Variants in DLEU7 observed in about 807,000 individuals in gnomAD.
DLEU7 encodes leukemia-associated protein 7.
DLEU7 carries 17 observed loss-of-function variants against 16.0 expected under a neutral mutation model. The observed-to-expected ratio is 1.06, with a 90% CI of 0.73 to 1.59. DLEU7 has a LOEUF of 1.59. DLEU7 is among the 40% of genes most tolerant of loss of function. The pLI, the probability that DLEU7 is intolerant of heterozygous loss-of-function variation, is 0.00. For synonymous variants in DLEU7, 113 were observed against 139.8 expected (o/e 0.81, Z 1.35); for missense variants, 308 against 314.9 (o/e 0.98, Z 0.17).
At chr13:50,770,430 C>T (rs9596349) in intron 1 of DLEU7, among the ~76,000 whole-genome samples, 34,538 of 151,918 alleles carry the variant, frequency 0.23, 4,115 homozygotes, top group East Asian at 0.29. Context: ...GCTCTTATTA[C>T]TTTGAGATAT....
chr13:50,820,714 G>A (rs1358088535), downstream of DLEU7, among the ~76,000 whole-genome samples: 1 of 152,106 alleles, frequency 6.6e-6, no homozygotes, highest in African/African-American at 2.4e-5. Flanking sequence ...GAATTATCTA[G>A]TGGATTTTCC....
At chr13:50,790,028 G>A (rs1292009943) in intron 1 of DLEU7, among the ~76,000 whole-genome samples, 12 of 151,410 alleles carry the variant, frequency 7.9e-5, no homozygotes, top group Non-Finnish European at 1.2e-4. Flanking sequence ...CGCCTCCCAG[G>A]TTCAAGTGAT....
intron 1 of DLEU7, among the ~76,000 whole-genome samples, chr13:50,775,363 G>GGATGAAACCTAT (rs1303937718): frequency 5.9e-5 from 9 of 152,136 alleles, no homozygotes; most frequent in African/African-American, 2.2e-4. Flanking sequence ...CCCTAGTCCT[G>GGATGAAACCTAT]AGCCTTAAGG....
chr13:50,728,843 T>C (rs1312842104), intron 1 of DLEU7, among the ~76,000 whole-genome samples: 1 of 152,280 alleles, frequency 6.6e-6, no homozygotes, highest in Non-Finnish European at 1.5e-5. Flanking sequence ...TGTCATCATG[T>C]CACCTGTTCA....
exon 2 of DLEU7, chr13:50,712,969 T>C (rs1290152174): frequency 2.1e-6 from 1 of 485,574 alleles, no homozygotes; most frequent in African/African-American, 1.9e-5. Context: ...ATGACAGGAT[T>C]ACTTGGAGGT....
chr13:50,749,511 A>G (rs1412388612), intron 1 of DLEU7, among the ~76,000 whole-genome samples: 2 of 152,206 alleles, frequency 1.3e-5, no homozygotes, highest in Non-Finnish European at 2.9e-5. Flanking sequence ...AGGCATCTCC[A>G]CACTGTTTTC....
intron 1 of DLEU7, among the ~76,000 whole-genome samples, chr13:50,785,644 A>G (rs566087580): frequency 5.3e-5 from 8 of 152,334 alleles, no homozygotes; most frequent in Admixed American, 6.5e-5. Context: ...TGAACCACCT[A>G]ACTGGGAAAC....
chr13:50,773,773 A>G (rs982152370), intron 1 of DLEU7, among the ~76,000 whole-genome samples: 2 of 152,188 alleles, frequency 1.3e-5, no homozygotes, highest in African/African-American at 2.4e-5. Context: ...TCAGAGCTCA[A>G]ACTCCGTGCT....
chr13:50,717,629 G>A (rs1284409824), intron 1 of DLEU7, among the ~76,000 whole-genome samples: 1 of 151,308 alleles, frequency 6.6e-6, no homozygotes, highest in Non-Finnish European at 1.5e-5. Flanking sequence ...ATGGTAAGGA[G>A]CAGGGAGTCC....
At chr13:50,840,926 G>A (rs1258189068) in intron 1 of DLEU7, among the ~76,000 whole-genome samples, 1 of 152,132 alleles carries the variant, frequency 6.6e-6, no homozygotes, top group African/African-American at 2.4e-5. Flanking sequence ...GGATGAAGAA[G>A]GCTTGAGGAG....
intron 1 of DLEU7, among the ~76,000 whole-genome samples, chr13:50,841,062 G>A (rs758061468): frequency 4.6e-5 from 7 of 152,284 alleles, no homozygotes; most frequent in Middle Eastern, 3.4e-3. Context: ...CAGAGGACAC[G>A]GGGTTTAGTC....
In DLEU7 at chr13:50,843,564, C is replaced by T. The variant is rs1478180036; in HGVS notation, c.83G>A (p.Trp28Ter). 6.7e-7 allele frequency: 1 copy of T among 1,490,254 alleles called. No homozygotes were observed. The highest frequency in any genetic ancestry group is 8.9e-7 in the Non-Finnish European group (1 of 1,127,908). 92.3% of individuals were successfully genotyped at this position (1,490,254 alleles called of 1,614,324 possible). A position where few individuals can be genotyped will look rare whatever the true frequency, so the allele number is the denominator to read the frequency against. Residue 28 changes from tryptophan to a stop codon, truncating the protein, a stop_gained, in exon 1 of 2, where the codon TGG becomes TAG. Transcript: ENST00000504404. LOFTEE classifies it high-confidence loss of function. This position sits in a 1 kb window ranked among gnomAD's most constrained non-coding sequence, Gnocchi z 5.7. ...LQTLQLLQQE[W>*]GWGDGPVAPG... ...GGCGACTGGACCGTCCCCCCAGCCC[C>T]ACTCCTGCTGCAGCAGCTGCAAGGT...
At chr13:50,789,557 G>C (rs1406247832) in intron 1 of DLEU7, among the ~76,000 whole-genome samples, 1 of 151,422 alleles carries the variant, frequency 6.6e-6, no homozygotes, top group Non-Finnish European at 1.5e-5. Flanking sequence ...ACATTTTCAG[G>C]AACACAATTG....
At chr13:50,809,436 A>G (rs58023710) in intron 1 of DLEU7, among the ~76,000 whole-genome samples, 2,180 of 152,298 alleles carry the variant, frequency 0.014, 57 homozygotes, top group African/African-American at 0.05. Flanking sequence ...GACGCCGGAC[A>G]TAATGGCCCC....
chr13:50,790,090 G>A (rs1260337935), intron 1 of DLEU7, among the ~76,000 whole-genome samples: 2 of 151,838 alleles, frequency 1.3e-5, no homozygotes, highest in Non-Finnish European at 2.9e-5. Context: ...GTGGCACCAT[G>A]GCCAGCTAAT....
At chr13:50,812,411 G>T (rs1593405488) in intron 1 of DLEU7, among the ~76,000 whole-genome samples, 1 of 152,046 alleles carries the variant, frequency 6.6e-6, no homozygotes, top group East Asian at 1.9e-4. Flanking sequence ...CTGACTCAGG[G>T]CTAGTGCTAC....
intron 1 of DLEU7, among the ~76,000 whole-genome samples, chr13:50,717,365 G>T (rs1338069661): frequency 1.3e-5 from 2 of 152,188 alleles, no homozygotes; most frequent in African/African-American, 2.4e-5. Flanking sequence ...TAGTGGAAAA[G>T]GTAAATGGAG....
chr13:50,713,318 A>G, intron 1 of DLEU7: 1 of 1,523,508 alleles, frequency 6.6e-7, no homozygotes, highest in South Asian at 1.2e-5. Flanking sequence ...TTATTTACTG[A>G]GCACTATATT....
intron 1 of DLEU7, among the ~76,000 whole-genome samples, chr13:50,824,554 A>C (rs1221930541): frequency 2.0e-5 from 3 of 152,160 alleles, no homozygotes; most frequent in Non-Finnish European, 2.9e-5. Flanking sequence ...GCCTACCAAT[A>C]CTATGAAGAA....
Sources: allele counts gnomAD v4.1 joint callset (sites outside exome capture counted in the v4.1 genomes callset), GRCh38; gene constraint gnomAD v4.1.1; non-coding constraint Gnocchi (gnomAD v3.1); transcripts MANE v1.5; gene names NCBI Gene and HGNC (gene_info 2026-07-23, HGNC 2026-07-21).